PRKN: variants seen among roughly 807,000 people sequenced by gnomAD.
PRKN encodes the protein parkin RBR E3 ubiquitin protein ligase.
Under a neutral mutation model 59.5 loss-of-function variants are expected in PRKN, and 56 were observed. That is an observed-to-expected ratio of 0.94 (90% CI 0.76 to 1.18). The LOEUF (loss-of-function observed/expected upper bound fraction) is 1.18, where lower values mean the gene tolerates loss of function less well. Ranked by LOEUF, PRKN falls within the 50% of genes most tolerant of loss-of-function variation. The pLI is 0.00. For synonymous variants in PRKN, 250 were observed against 222.1 expected (o/e 1.13, Z -1.12); for missense variants, 657 against 596.4 (o/e 1.10, Z -1.06).
intron 7 of PRKN, among the ~76,000 whole-genome samples, chr6:161,605,575 G>A (rs761524738): frequency 6.6e-5 from 10 of 150,546 alleles, no homozygotes; most frequent in South Asian, 6.3e-4. Flanking sequence ...GCAGTGGCGC[G>A]ATCTTGGCTC....
At chr6:162,397,030 C>T (rs1025063851) in intron 2 of PRKN, among the ~76,000 whole-genome samples, 1 of 152,050 alleles carries the variant, frequency 6.6e-6, no homozygotes, top group Non-Finnish European at 1.5e-5. Flanking sequence ...AGTATGCAAC[C>T]GAGGACAGCG....
chr6:162,279,702 G>A (rs182130583), intron 2 of PRKN, among the ~76,000 whole-genome samples: 32 of 152,290 alleles, frequency 2.1e-4, no homozygotes, highest in African/African-American at 7.0e-4. Flanking sequence ...TTGGTCTAGA[G>A]CTGAGTTCAA....
At chr6:162,641,519 A>G (rs1777958180) in intron 1 of PRKN, among the ~76,000 whole-genome samples, 1 of 152,080 alleles carries the variant, frequency 6.6e-6, no homozygotes, top group Non-Finnish European at 1.5e-5. Flanking sequence ...AAGTACCAGG[A>G]AACTTCAGTT....
chr6:162,217,456 C>CT (rs2128078573), intron 3 of PRKN, among the ~76,000 whole-genome samples: 1 of 152,288 alleles, frequency 6.6e-6, no homozygotes, highest in East Asian at 1.9e-4. Context: ...CCTCAGCTCA[C>CT]TGCAACCCCC....
intron 6 of PRKN, among the ~76,000 whole-genome samples, chr6:161,945,841 C>T (rs570708292): frequency 6.6e-6 from 1 of 152,318 alleles, no homozygotes; most frequent in South Asian, 2.1e-4. Context: ...CAATATGTGT[C>T]ACACCCTAGA....
chr6:162,269,818 C>T (rs1415408578), intron 2 of PRKN, among the ~76,000 whole-genome samples: 2 of 152,104 alleles, frequency 1.3e-5, no homozygotes, highest in Admixed American at 6.5e-5. Flanking sequence ...AACCACAATG[C>T]GATACCATCT....
intron 7 of PRKN, among the ~76,000 whole-genome samples, chr6:161,636,525 G>C (rs764931222): frequency 1.3e-5 from 2 of 152,186 alleles, no homozygotes; most frequent in African/African-American, 4.8e-5. Flanking sequence ...ATGCACATGC[G>C]GGAGTGCCCC....
chr6:162,069,740 T>G (rs544274764), intron 4 of PRKN, among the ~76,000 whole-genome samples: 1 of 152,314 alleles, frequency 6.6e-6, no homozygotes, highest in South Asian at 2.1e-4. Context: ...CCAAGTTATC[T>G]CTACAAATTG....
chr6:162,358,883 A>T (rs932325529), intron 2 of PRKN, among the ~76,000 whole-genome samples: 11 of 151,742 alleles, frequency 7.2e-5, no homozygotes, highest in African/African-American at 2.2e-4. Context: ...AACATGGTGA[A>T]ACCTCCTATC....
intron 1 of PRKN, among the ~76,000 whole-genome samples, chr6:162,698,601 C>A (rs1433485466): frequency 6.6e-6 from 1 of 152,064 alleles, no homozygotes; most frequent in Non-Finnish European, 1.5e-5. Flanking sequence ...GGTGTGTGGA[C>A]CACAGGTGCT....
intron 7 of PRKN, among the ~76,000 whole-genome samples, chr6:161,681,957 T>C (rs1785381526): frequency 6.6e-6 from 1 of 152,236 alleles, no homozygotes; most frequent in Non-Finnish European, 1.5e-5. Context: ...TCCTGGGTTC[T>C]GTGAAAGCCG....
At chr6:162,250,769 C>T (rs1413642858) in intron 3 of PRKN, among the ~76,000 whole-genome samples, 2 of 152,180 alleles carry the variant, frequency 1.3e-5, no homozygotes, top group African/African-American at 4.8e-5. Context: ...ACTACTAGGG[C>T]TATTTGGTTA....
At chr6:161,424,063 A>G (rs1352509972) in intron 9 of PRKN, among the ~76,000 whole-genome samples, 2 of 152,146 alleles carry the variant, frequency 1.3e-5, no homozygotes, top group Non-Finnish European at 2.9e-5. Context: ...GAGGCCAGCC[A>G]TGGTGGCTCA....
chr6:161,735,980 T>C (rs556457350), intron 7 of PRKN, among the ~76,000 whole-genome samples: 24 of 152,330 alleles, frequency 1.6e-4, no homozygotes, highest in African/African-American at 5.3e-4. Flanking sequence ...TAAAAAATTC[T>C]TCCTTTTACA....
chr6:162,419,125 CGTTCGTATTATT>C (rs1788821559), intron 2 of PRKN, among the ~76,000 whole-genome samples: 1 of 151,916 alleles, frequency 6.6e-6, no homozygotes, highest in Non-Finnish European at 1.5e-5. Flanking sequence ...TTAACTTCGA[CGTTCGTATTATT>C]GTCTTGGCTT....
chr6:162,302,967 C>CACACAA (rs1171711802), intron 2 of PRKN, among the ~76,000 whole-genome samples: 18 of 144,242 alleles, frequency 1.2e-4, no homozygotes, highest in African/African-American at 3.3e-4. Flanking sequence ...TAAACATACA[C>CACACAA]ACACACACAC....
At chr6:162,344,057 T>C (rs6455810) in intron 2 of PRKN, among the ~76,000 whole-genome samples, 103,245 of 152,104 alleles carry the variant, frequency 0.68, 37,006 homozygotes, top group African/African-American at 0.91. Flanking sequence ...CATCTGCTGT[T>C]GGCTCACAAA....
chr6:161,380,476 G>A (rs1785922262), intron 10 of PRKN, among the ~76,000 whole-genome samples: 2 of 141,486 alleles, frequency 1.4e-5, no homozygotes, highest in South Asian at 4.4e-4. Context: ...CTGTTGCCTG[G>A]GCTGGAGTGC....
chr6:162,225,564 G>C (rs1778134531), intron 3 of PRKN, among the ~76,000 whole-genome samples: 1 of 152,104 alleles, frequency 6.6e-6, no homozygotes, highest in Admixed American at 6.6e-5. Flanking sequence ...TGTGGCCAAA[G>C]AGACCTGGAG....
Sources: gnomAD v4.1 joint callset for allele counts (sites outside exome capture counted in the v4.1 genomes callset) on GRCh38, gnomAD v4.1.1 for gene constraint, MANE v1.5 for transcripts, NCBI Gene and HGNC (gene_info 2026-07-23, HGNC 2026-07-21) for gene names.